The following XPR1 variants were observed in gnomAD, a reference collection of about 807,000 sequenced individuals.
XPR1 encodes solute carrier family 53 member 1.
A neutral mutation model predicts 87.5 loss-of-function variants in XPR1; 28 were observed. The observed-to-expected ratio is 0.32, with a 90% confidence interval of 0.24 to 0.44. The LOEUF is 0.44. Ranked by LOEUF, XPR1 falls within the 20% of genes least tolerant of loss-of-function variation. The pLI is 1.00. For missense variants in XPR1, 559 were observed against 862.3 expected (o/e 0.65, Z 4.41); for synonymous variants, 300 against 306.1 (o/e 0.98, Z 0.21).
chr1:180,872,637 C>T (rs1313297982), intron 12 of XPR1, among the ~76,000 whole-genome samples: 2 of 130,796 alleles, frequency 1.5e-5, no homozygotes, highest in East Asian at 4.4e-4. Context: ...TGACCCCTTG[C>T]GCTTCCCAGG....
At chr1:180,686,887 T>C (rs1380518046) in intron 2 of XPR1, among the ~76,000 whole-genome samples, 1 of 152,146 alleles carries the variant, frequency 6.6e-6, no homozygotes, top group African/African-American at 2.4e-5. Context: ...TAAAAATGTA[T>C]TTCCTCTGAA....
chr1:180,641,129 C>T (rs1654948833), intron 1 of XPR1, among the ~76,000 whole-genome samples: 1 of 152,178 alleles, frequency 6.6e-6, no homozygotes, highest in African/African-American at 2.4e-5. Context: ...AGTTGAGTGA[C>T]TTCAGGCAAG....
At chr1:180,660,974 A>T (rs919121455) in intron 1 of XPR1, among the ~76,000 whole-genome samples, 1 of 151,986 alleles carries the variant, frequency 6.6e-6, no homozygotes, top group African/African-American at 2.4e-5. Flanking sequence ...ACTGTACTGG[A>T]GTTTATCTCT....
intron 2 of XPR1, among the ~76,000 whole-genome samples, chr1:180,712,941 C>CTTTTTTTTTT (rs60236840): frequency 7.7e-6 from 1 of 130,186 alleles, no homozygotes; most frequent in Non-Finnish European, 1.6e-5. Context: ...CAGCTTTGTT[C>CTTTTTTTTTT]TTTTTTTTTT....
chr1:180,804,010 G>C (rs1649890240), intron 4 of XPR1, among the ~76,000 whole-genome samples: 3 of 148,898 alleles, frequency 2.0e-5, no homozygotes, highest in South Asian at 2.1e-4. Context: ...TTTTGAAACA[G>C]AGTCTCACTG....
At chr1:180,684,599 AT>A (rs1656700066) in intron 2 of XPR1, among the ~76,000 whole-genome samples, 1 of 152,054 alleles carries the variant, frequency 6.6e-6, no homozygotes, top group African/African-American at 2.4e-5. Flanking sequence ...TTTTCACAAT[AT>A]TGATTCTTCC....
At position 180,837,936 on chromosome 1, in the gene XPR1, A is replaced by G. The variant is rs186116579; in HGVS notation, c.1501+1220A>G. On this transcript the variant is annotated intron_variant, in intron 11 of 14. Coordinates refer to ENST00000367590, the MANE Select transcript of XPR1 (RefSeq NM_004736.4). ...TACTTTTCTTCCATCCCAGGTAAAA[A>G]TGAGTACTGTTTTTTGGTCGAATAT... Among the ~76,000 whole-genome samples, 3 of 152,320 alleles carry G rather than the reference A, an allele frequency of 2.0e-5. No homozygotes were observed. The East Asian group carries it at 5.8e-4, about 29-fold the overall frequency.
intron 11 of XPR1, among the ~76,000 whole-genome samples, chr1:180,839,135 GTTAT>G (rs1489448613): frequency 6.6e-6 from 1 of 152,102 alleles, no homozygotes; most frequent in Non-Finnish European, 1.5e-5. Flanking sequence ...AGTTCAGTGA[GTTAT>G]TTATGGGTTA....
intron 2 of XPR1, among the ~76,000 whole-genome samples, chr1:180,757,263 T>C (rs961465962): frequency 6.6e-6 from 1 of 152,162 alleles, no homozygotes; most frequent in Non-Finnish European, 1.5e-5. Context: ...GAGACAGCAC[T>C]TTGGAAATGG....
At chr1:180,836,290 G>A (rs1651290075) in intron 10 of XPR1, among the ~76,000 whole-genome samples, 1 of 151,904 alleles carries the variant, frequency 6.6e-6, no homozygotes, top group East Asian at 1.9e-4. Context: ...CCGGGAGGCA[G>A]AGGTTGCAGT....
chr1:180,707,517 G>A (rs1025963327), intron 2 of XPR1, among the ~76,000 whole-genome samples: 2 of 152,312 alleles, frequency 1.3e-5, no homozygotes, highest in Admixed American at 1.3e-4. Flanking sequence ...GGACTTGAGA[G>A]ATTCTACCTT....
At chr1:180,740,778 A>G (rs1190803235) in intron 2 of XPR1, among the ~76,000 whole-genome samples, 1 of 152,084 alleles carries the variant, frequency 6.6e-6, no homozygotes, top group African/African-American at 2.4e-5. Flanking sequence ...AAGGTTAGGG[A>G]AATTTGTTTC....
In XPR1 at chr1:180,744,650, C is replaced by CTTTTTTTTTTTTTTTTTTTTTTTTTTTTT. The variant is rs200044209; in HGVS notation, c.122-43100_122-43099insTTTTTTTTTTTTTTTTTTTTTTTTTTTTT. Among the ~76,000 whole-genome samples the CTTTTTTTTTTTTTTTTTTTTTTTTTTTTT allele has an allele frequency of 4.9e-4, 28 of 56,962 alleles. 6 individuals carry two copies. Among genetic ancestry groups the CTTTTTTTTTTTTTTTTTTTTTTTTTTTTT allele is most frequent in the African/African-American group, 1.6e-3 (27 of 17,142 alleles). 37.4% of individuals were successfully genotyped at this position (56,962 alleles called of 152,430 possible). A position where few individuals can be genotyped will look rare whatever the true frequency, so the allele number is the denominator to read the frequency against. On this transcript the variant is annotated intron_variant, in intron 2 of 14. Coordinates refer to ENST00000367590, the MANE Select transcript of XPR1 (RefSeq NM_004736.4). ...ACTTGTTCAGGTTTAGGCACAATTTCTTTCTTTTTTTTTTTTTTGAGACAG... is the reference window on the plus strand; with the variant it reads ...ACTTGTTCAGGTTTAGGCACAATTTCTTTTTTTTTTTTTTTTTTTTTTTTTTTTTTTTCTTTTTTTTTTTTTTGAGACAG...
In XPR1 at chr1:180,684,809, C is replaced by G. The variant is rs1474424058; in HGVS notation, c.121+2398C>G. Among the ~76,000 whole-genome samples, 7 of 152,178 alleles carry G rather than the reference C, an allele frequency of 4.6e-5. No individual in the cohort carries two copies. In the East Asian group the frequency reaches 5.8e-4, roughly 13 times the overall value. ...CTGTTTGTCTGTTATTGGTGTATAA[C>G]AATGCTTGTGATTTTTGTACATTGA... On this transcript the variant is annotated intron_variant, in intron 2 of 14. Transcript: ENST00000367590.
chr1:180,678,245 A>G (rs1010721368), intron 1 of XPR1, among the ~76,000 whole-genome samples: 2 of 152,196 alleles, frequency 1.3e-5, no homozygotes, highest in Admixed American at 6.5e-5. Flanking sequence ...ATTAAATCCT[A>G]TTCTATTAGT....
chr1:180,825,125 A>G, intron 8 of XPR1, 40 bp from the exon 9 acceptor site: 1 of 1,551,838 alleles, frequency 6.4e-7, no homozygotes, highest in Non-Finnish European at 8.7e-7. Context: ...TAAAAATAAC[A>G]ATTTTTCTCT....
At chr1:180,723,489 C>T (rs904418122) in intron 2 of XPR1, among the ~76,000 whole-genome samples, 2 of 152,150 alleles carry the variant, frequency 1.3e-5, no homozygotes, top group African/African-American at 2.4e-5. Context: ...TAAAACTCTA[C>T]ATAAAGAACT....
chr1:180,881,757 A>C (rs893981658), intron 14 of XPR1, among the ~76,000 whole-genome samples: 1 of 152,220 alleles, frequency 6.6e-6, no homozygotes, highest in Admixed American at 6.5e-5. Context: ...AACTTTAAAT[A>C]GAGATTTGGA....
intron 6 of XPR1, among the ~76,000 whole-genome samples, chr1:180,810,756 T>C (rs966083331): frequency 2.6e-5 from 4 of 151,654 alleles, no homozygotes; most frequent in African/African-American, 9.7e-5. Flanking sequence ...CTTAACTCTC[T>C]CCTATTTACA....
Sources: gnomAD v4.1 joint callset for allele counts (sites outside exome capture counted in the v4.1 genomes callset) on GRCh38, gnomAD v4.1.1 for gene constraint, MANE v1.5 for transcripts, NCBI Gene and HGNC (gene_info 2026-07-23, HGNC 2026-07-21) for gene names.